The following TAFA5 variants were observed in gnomAD, a reference collection of about 807,000 sequenced individuals.
The protein encoded by TAFA5 is TAFA chemokine like family member 5.
TAFA5 carries 6 observed loss-of-function variants against 15.3 expected under a neutral mutation model. The observed-to-expected ratio is 0.39, with a 90% confidence interval of 0.21 to 0.77. The LOEUF (loss-of-function observed/expected upper bound fraction) is 0.77. TAFA5 is among the 30% of genes least tolerant of loss of function. The probability of loss-of-function intolerance (pLI) is 0.41; values close to 1 mark genes in which losing one functional copy is unlikely to be tolerated. For missense variants in TAFA5, 161 were observed against 193.1 expected, an observed-to-expected ratio of 0.83 and a Z score of 0.98; for synonymous variants, 103 against 80.7, an observed-to-expected ratio of 1.28 and a Z score of -1.48.
At chr22:48,605,312 G>T (rs945728094) in intron 1 of TAFA5, among the ~76,000 whole-genome samples, 2 of 60,874 alleles carry the variant, frequency 3.3e-5, no homozygotes, top group African/African-American at 1.1e-4. Context: ...GGTGATGATG[G>T]TGGTGATGGT....
chr22:48,741,760 G>A lies in TAFA5; in HGVS notation c.391-8079G>A, dbSNP rs143044852. On this transcript the variant is annotated intron_variant, in intron 3 of 3. Transcript: ENST00000402357. ...CTTGCCGCACCTGTGGATCCCAGAC[G>A]TCCAGCCTCCTGGGCTGCAGACAGC... 2.4e-3 allele frequency among the ~76,000 whole-genome samples: 366 copies of A among 152,286 alleles called. 2 individuals carry two copies. Among genetic ancestry groups the A allele is most frequent in the Middle Eastern group, 0.01 (3 of 294 alleles).
At chr22:48,701,873 A>G (rs1027474479) in intron 2 of TAFA5, among the ~76,000 whole-genome samples, 10 of 152,266 alleles carry the variant, frequency 6.6e-5, no homozygotes, top group South Asian at 2.1e-4. Flanking sequence ...CTGGAGCCCA[A>G]GGTTTTTATG....
At chr22:48,722,906 G>A (rs1416938375) in intron 3 of TAFA5, among the ~76,000 whole-genome samples, 1 of 152,200 alleles carries the variant, frequency 6.6e-6, no homozygotes, top group African/African-American at 2.4e-5. Context: ...TGTGCAAGGA[G>A]TGAGTGTGTG....
rs1008911905 is a variant in TAFA5, at chr22:48,750,062, G to C, written c.*215G>C. 1.0e-5 allele frequency: 6 copies of C among 595,298 alleles called. No individual in the cohort carries two copies. Among genetic ancestry groups the C allele is most frequent in the African/African-American group, 1.9e-5 (1 of 53,514 alleles). The allele number at this position is 595,298 out of a possible 1,614,324, so 36.9% of individuals were successfully genotyped here. On this transcript the variant is annotated 3_prime_UTR_variant, in exon 4 of 4. Transcript: ENST00000402357. ...GGAGGCCGGACTCAGACACATAGGC[G>C]GGGGGCGGCACCTGGCATCAGCAAT...
At chr22:48,539,347 C>T (rs1343969467) in intron 1 of TAFA5, 2 of 471,144 alleles carry the variant, frequency 4.2e-6, no homozygotes, top group South Asian at 3.1e-5. Context: ...CCTAATAGGA[C>T]ATGGGCTCCT....
chr22:48,712,019 G>A (rs559125944), intron 3 of TAFA5, among the ~76,000 whole-genome samples: 89 of 152,376 alleles, frequency 5.8e-4, no homozygotes, highest in African/African-American at 2.0e-3. Flanking sequence ...GATTAACCGA[G>A]TGTGGACCCC....
intron 2 of TAFA5, among the ~76,000 whole-genome samples, chr22:48,678,636 C>T (rs937236339): frequency 2.1e-5 from 3 of 144,498 alleles, no homozygotes; most frequent in African/African-American, 7.6e-5. Flanking sequence ...CTGTCCCACA[C>T]GTGGAAAAGT....
intron 2 of TAFA5, among the ~76,000 whole-genome samples, chr22:48,653,237 A>G (rs936770540): frequency 6.6e-6 from 1 of 152,172 alleles, no homozygotes; most frequent in Admixed American, 6.5e-5. Context: ...TTCTGCCTGG[A>G]TCCAGATGGG....
At chr22:48,525,746 C>T (rs1921760055) in intron 1 of TAFA5, among the ~76,000 whole-genome samples, 1 of 152,200 alleles carries the variant, frequency 6.6e-6, no homozygotes, top group Non-Finnish European at 1.5e-5. Context: ...CCCGAGCCCT[C>T]CTGTTCTTCC....
At chr22:48,723,178 G>A (rs1277429536) in intron 3 of TAFA5, among the ~76,000 whole-genome samples, 2 of 152,190 alleles carry the variant, frequency 1.3e-5, no homozygotes, top group African/African-American at 2.4e-5. Context: ...TTCAGACCCA[G>A]ATAGCAGCAC....
At chr22:48,686,598 G>T (rs1320074913) in intron 2 of TAFA5, among the ~76,000 whole-genome samples, 2 of 152,226 alleles carry the variant, frequency 1.3e-5, no homozygotes, top group Non-Finnish European at 2.9e-5. Flanking sequence ...TCAGGTGTTT[G>T]GATGTTTGGG....
At chr22:48,686,691 A>G (rs1364349746) in intron 2 of TAFA5, among the ~76,000 whole-genome samples, 1 of 151,406 alleles carries the variant, frequency 6.6e-6, no homozygotes, top group Non-Finnish European at 1.5e-5. Flanking sequence ...AGATTGATAG[A>G]AAGTGGATAG....
intron 1 of TAFA5, among the ~76,000 whole-genome samples, chr22:48,511,561 C>T (rs755198752): frequency 1.6e-4 from 24 of 152,334 alleles, no homozygotes; most frequent in Admixed American, 8.5e-4. Flanking sequence ...AAGAGGCCCT[C>T]GCCCAGGTCA....
intron 3 of TAFA5, among the ~76,000 whole-genome samples, chr22:48,738,793 G>A (rs907434869): frequency 6.6e-6 from 1 of 152,206 alleles, no homozygotes; most frequent in Non-Finnish European, 1.5e-5. Flanking sequence ...GCCACTTGTG[G>A]CTCTGTCTTC....
intron 2 of TAFA5, among the ~76,000 whole-genome samples, chr22:48,688,289 A>G (rs57971460): frequency 0.016 from 2,459 of 152,338 alleles, 65 homozygotes; most frequent in African/African-American, 0.057. Flanking sequence ...CTATTTAAAG[A>G]AAAAATAATT....
intron 1 of TAFA5, among the ~76,000 whole-genome samples, chr22:48,538,622 C>T (rs1922252481): frequency 6.6e-6 from 1 of 152,216 alleles, no homozygotes; most frequent in Non-Finnish European, 1.5e-5. Context: ...GTGCTCTCTG[C>T]TCCGGGCCGC....
chr22:48,558,324 G>A (rs1039474553), intron 1 of TAFA5, among the ~76,000 whole-genome samples: 1 of 152,220 alleles, frequency 6.6e-6, no homozygotes, highest in African/African-American at 2.4e-5. Context: ...GTTTCTTAAA[G>A]TCTAGCATTT....
intron 1 of TAFA5, among the ~76,000 whole-genome samples, chr22:48,518,797 C>G (rs1921505783): frequency 6.6e-6 from 1 of 152,254 alleles, no homozygotes; most frequent in South Asian, 2.1e-4. Flanking sequence ...CACGCTGGGA[C>G]AGGCAAGCGG....
intron 1 of TAFA5, among the ~76,000 whole-genome samples, chr22:48,617,999 A>C (rs1283606898): frequency 6.6e-6 from 1 of 152,140 alleles, no homozygotes; most frequent in Non-Finnish European, 1.5e-5. Flanking sequence ...TTACAAAGGG[A>C]AATTCAGGCC....
Sources: allele counts gnomAD v4.1 joint callset (sites outside exome capture counted in the v4.1 genomes callset), GRCh38; gene constraint gnomAD v4.1.1; transcripts MANE v1.5; gene names NCBI Gene and HGNC (gene_info 2026-07-23, HGNC 2026-07-21).